The following SLC6A6 variants were observed in gnomAD, a reference collection of about 807,000 sequenced individuals.
SLC6A6 encodes sodium- and chloride-dependent taurine transporter.
SLC6A6 carries 16 observed loss-of-function variants against 68.8 expected under a neutral mutation model. The ratio of observed to expected loss-of-function variants is 0.23; its 90% CI spans 0.16 to 0.35. The LOEUF (loss-of-function observed/expected upper bound fraction) is 0.35. SLC6A6 is among the 10% of genes least tolerant of loss of function. The pLI is 1.00. For synonymous variants in SLC6A6, 312 were observed against 315.4 expected (o/e 0.99, Z 0.12); for missense variants, 474 against 802.8 (o/e 0.59, Z 4.95).
intron 5 of SLC6A6, among the ~76,000 whole-genome samples, chr3:14,449,427 G>C (rs1016352054): frequency 6.6e-6 from 1 of 152,168 alleles, no homozygotes; most frequent in African/African-American, 2.4e-5. Flanking sequence ...ACTTGAATGG[G>C]GTCCAAGGCA....
rs79087593 is a variant in SLC6A6, at chr3:14,443,972, C to T, written c.229+109C>T. The T allele has an allele frequency of 0.01, 7,718 of 745,904 alleles. 427 individuals are homozygous for T. In the African/African-American group the frequency reaches 0.12, roughly 11 times the overall value. The allele number at this position is 745,904 out of a possible 1,614,324, so 46.2% of individuals were successfully genotyped here. A position where few individuals can be genotyped will look rare whatever the true frequency, so the allele number is the denominator to read the frequency against. ...CTCTCTTTCCCTGCTTTCCCTGGCC[C>T]CCCCCCTTGACCTCCATGAGGTCAG... On this transcript the variant is annotated intron_variant, in intron 3 of 14. Transcript: ENST00000622186.
intron 6 of SLC6A6, among the ~76,000 whole-genome samples, chr3:14,459,883 C>CTTTTTTTTTTT (rs869191764): frequency 5.0e-4 from 20 of 40,176 alleles, no homozygotes; most frequent in Non-Finnish European, 7.0e-4. Flanking sequence ...TAATTCTCTT[C>CTTTTTTTTTTT]TTTTTTTTTT....
In SLC6A6 at chr3:14,478,369, G is replaced by T. The variant is rs1216686788; in HGVS notation, c.1348-97G>T. On this transcript the variant is annotated intron_variant, in intron 11 of 14. Coordinates refer to ENST00000622186, the MANE Select transcript of SLC6A6 (RefSeq NM_003043.6). ...GAGTCTTTGTCCATTTTTCTCTTGG[G>T]TTTTTTTAATCTTATTGATATGCCA... The T allele has an allele frequency of 1.9e-5, 14 of 738,772 alleles. No homozygotes were observed. In the Admixed American group the frequency reaches 2.4e-4, roughly 12 times the overall value. The allele number at this position is 738,772 out of a possible 1,614,324, so 45.8% of individuals were successfully genotyped here. A position where few individuals can be genotyped will look rare whatever the true frequency, so the allele number is the denominator to read the frequency against.
At chr3:14,462,446 C>T (rs74465085) in intron 6 of SLC6A6, among the ~76,000 whole-genome samples, 3,712 of 152,250 alleles carry the variant, frequency 0.024, 61 homozygotes, top group Middle Eastern at 0.071. Context: ...ACCTGTAATC[C>T]CAGCACTTGG....
intron 6 of SLC6A6, among the ~76,000 whole-genome samples, chr3:14,458,998 T>G (rs1033357418): frequency 1.3e-5 from 2 of 152,246 alleles, no homozygotes; most frequent in South Asian, 4.1e-4. Flanking sequence ...AGAGCTGAAC[T>G]GTTCCCTGAA....
intron 2 of SLC6A6, among the ~76,000 whole-genome samples, chr3:14,428,291 G>A (rs1364037485): frequency 6.6e-6 from 1 of 152,178 alleles, no homozygotes; most frequent in East Asian, 1.9e-4. Flanking sequence ...TTTGAGCCCT[G>A]GTCTTGGCCC....
At chr3:14,466,265 T>TA (rs11310077) in intron 6 of SLC6A6, among the ~76,000 whole-genome samples, 4,087 of 110,102 alleles carry the variant, frequency 0.037, 168 homozygotes, top group African/African-American at 0.11. Context: ...GTCTCAAATT[T>TA]AAAAAAAAAA....
At chr3:14,479,940 G>A (rs1700970224) in intron 13 of SLC6A6, among the ~76,000 whole-genome samples, 1 of 152,224 alleles carries the variant, frequency 6.6e-6, no homozygotes, top group Non-Finnish European at 1.5e-5. Flanking sequence ...CTCCACTATG[G>A]GGAGCACAAA....
chr3:14,410,170 C>A (rs1483979583), intron 1 of SLC6A6, among the ~76,000 whole-genome samples: 27 of 131,538 alleles, frequency 2.1e-4, no homozygotes, highest in African/African-American at 8.2e-4. Context: ...GAGTGAGACT[C>A]CATCTCAAAA....
In SLC6A6 at chr3:14,487,589, AG is replaced by A. The variant is rs955791001; in HGVS notation, c.*2587del. ...GCCAGCCAGATCTGGAAAGGAAGCG[AG>A]GGGGTTGTTTAAATCAATTTTTTAA... On this transcript the variant is annotated 3_prime_UTR_variant, in exon 15 of 15. Coordinates refer to ENST00000622186, the MANE Select transcript of SLC6A6 (RefSeq NM_003043.6). 3.3e-5 allele frequency: 5 copies of A among 152,204 alleles called. No individual in the cohort carries two copies. Among genetic ancestry groups the A allele is most frequent in the African/African-American group, 1.2e-4 (5 of 41,418 alleles). The allele number at this position is 152,204 out of a possible 1,614,324, so 9.4% of individuals were successfully genotyped here. A position where few individuals can be genotyped will look rare whatever the true frequency, so the allele number is the denominator to read the frequency against.
At chr3:14,458,766 A>G (rs1472872828) in intron 6 of SLC6A6, among the ~76,000 whole-genome samples, 2 of 152,266 alleles carry the variant, frequency 1.3e-5, no homozygotes, top group African/African-American at 4.8e-5. Flanking sequence ...GCGTTAGCTG[A>G]TAATTAAATC....
At chr3:14,417,131 G>A (rs575665554) in intron 2 of SLC6A6, among the ~76,000 whole-genome samples, 14 of 152,224 alleles carry the variant, frequency 9.2e-5, no homozygotes, top group African/African-American at 2.9e-4. Flanking sequence ...CCAGGAGCTC[G>A]AGACCAGCGT....
chr3:14,411,895 G>T (rs1383634202), intron 1 of SLC6A6, among the ~76,000 whole-genome samples: 2 of 152,192 alleles, frequency 1.3e-5, no homozygotes, highest in African/African-American at 4.8e-5. Context: ...GCAGGGCTAT[G>T]GACGTCAGAC....
intron 1 of SLC6A6, among the ~76,000 whole-genome samples, chr3:14,415,724 C>T (rs1335700973): frequency 1.3e-5 from 2 of 151,716 alleles, no homozygotes; most frequent in Admixed American, 6.6e-5. Flanking sequence ...CCCCCCGCTC[C>T]AAAAAAAGTC....
At chr3:14,405,805 T>A (rs938396753) in intron 1 of SLC6A6, among the ~76,000 whole-genome samples, 1 of 152,220 alleles carries the variant, frequency 6.6e-6, no homozygotes, top group Non-Finnish European at 1.5e-5. Flanking sequence ...TAAGGTCAGC[T>A]CTGGGCTGGC....
At chr3:14,435,015 C>T (rs757839180) in intron 2 of SLC6A6, among the ~76,000 whole-genome samples, 1 of 152,222 alleles carries the variant, frequency 6.6e-6, no homozygotes, top group African/African-American at 2.4e-5. Context: ...TCGCCACCCC[C>T]GGCGTTGTTC....
intron 1 of SLC6A6, among the ~76,000 whole-genome samples, chr3:14,415,237 A>G (rs1166899090): frequency 6.6e-6 from 1 of 152,022 alleles, no homozygotes; most frequent in African/African-American, 2.4e-5. Flanking sequence ...GACTGTTCCT[A>G]CTCCACAGTG....
rs913572390 is a variant in SLC6A6, at chr3:14,477,339, G to A, written c.1344G>A (p.Thr448=). 1.3e-5 allele frequency: 21 copies of A among 1,613,856 alleles called. No individual in the cohort carries two copies. Among genetic ancestry groups the A allele is most frequent in the Admixed American group, 3.3e-5 (2 of 59,988 alleles). The change falls in exon 11 of 15, where the codon ACG becomes ACA. Residue 448 remains threonine, a synonymous_variant. Transcript: ENST00000622186. This position sits in a 1 kb window ranked among gnomAD's most constrained non-coding sequence, Gnocchi z 4.2. ...ISYLLGLTMV[T]EGGMYVFQLF... Reference sequence around the variant, plus strand: ...ACCTGCTGGGGCTGACGATGGTGACGGAGGTAGGTGGCTCTCTCAGCTGTG... The same window carrying A: ...ACCTGCTGGGGCTGACGATGGTGACAGAGGTAGGTGGCTCTCTCAGCTGTG...
chr3:14,481,666 C>T lies in SLC6A6; in HGVS notation c.1552-5C>T, dbSNP rs1421164657. The T allele has an allele frequency of 5.2e-5, 83 of 1,607,322 alleles. No individual in the cohort carries two copies. The highest frequency in any genetic ancestry group is 6.6e-5 in the Non-Finnish European group (78 of 1,176,104). On this transcript the variant is annotated splice_polypyrimidine_tract_variant and splice_region_variant and intron_variant, in intron 13 of 14. Transcript: ENST00000622186. The surrounding 1 kb of genome is among the most constrained non-coding windows in gnomAD (Gnocchi z 4.7). ...CCTCTCCTGACTGCCCCCATCTCTCCGCAGGGATGTTTCATCTTCTCGCTC... is the reference window on the plus strand; with the variant it reads ...CCTCTCCTGACTGCCCCCATCTCTCTGCAGGGATGTTTCATCTTCTCGCTC...
Sources: gnomAD v4.1 joint callset for allele counts (sites outside exome capture counted in the v4.1 genomes callset) on GRCh38, gnomAD v4.1.1 for gene constraint, Gnocchi (gnomAD v3.1) non-coding constraint, MANE v1.5 for transcripts, NCBI Gene and HGNC (gene_info 2026-07-23, HGNC 2026-07-21) for gene names.